NELL1: variants seen among roughly 807,000 people sequenced by gnomAD.
The protein encoded by NELL1 is neural EGFL like 1, also known as protein kinase C-binding protein NELL1.
A neutral mutation model predicts 107.4 loss-of-function variants in NELL1; 76 were observed. The observed-to-expected ratio is 0.71, with a 90% confidence interval of 0.59 to 0.86. NELL1 has a LOEUF of 0.86. NELL1 is among the 40% of genes least tolerant of loss of function. NELL1 has a pLI of 0.00. For missense variants in NELL1, 1,024 were observed against 1,005.5 expected (o/e 1.02, Z -0.25); for synonymous variants, 353 against 341.2 (o/e 1.03, Z -0.38).
chr11:20,723,449 G>A (rs940827144), intron 2 of NELL1, among the ~76,000 whole-genome samples: 4 of 152,112 alleles, frequency 2.6e-5, no homozygotes, highest in African/African-American at 9.7e-5. Flanking sequence ...ATCCTAAAGG[G>A]CCCTCAGTAA....
At chr11:20,980,913 C>A (rs1470209754) in intron 12 of NELL1, among the ~76,000 whole-genome samples, 1 of 152,172 alleles carries the variant, frequency 6.6e-6, no homozygotes, top group Non-Finnish European at 1.5e-5. Context: ...TGCTTCCAAG[C>A]CAGAGCAGTG....
chr11:20,813,268 T>C (rs1165999281), intron 3 of NELL1, among the ~76,000 whole-genome samples: 2 of 152,216 alleles, frequency 1.3e-5, no homozygotes, highest in Admixed American at 1.3e-4. Context: ...ACGTTAGAGA[T>C]AATTCTTAAT....
chr11:20,890,266 A>G (rs536076053), intron 5 of NELL1, among the ~76,000 whole-genome samples: 2 of 152,222 alleles, frequency 1.3e-5, no homozygotes, highest in Admixed American at 1.3e-4. Context: ...TACAGAAGAG[A>G]GACCTGACTA....
At chr11:21,149,327 A>C (rs189957625) in intron 13 of NELL1, among the ~76,000 whole-genome samples, 72 of 152,362 alleles carry the variant, frequency 4.7e-4, no homozygotes, top group Non-Finnish European at 6.2e-4. Context: ...GACATACCCA[A>C]GACTGGGTTA....
At chr11:20,737,879 T>C (rs1855798006) in intron 2 of NELL1, among the ~76,000 whole-genome samples, 1 of 151,370 alleles carries the variant, frequency 6.6e-6, no homozygotes, top group African/African-American at 2.4e-5. Flanking sequence ...CACTGTGCAA[T>C]GCTCAGAGTT....
rs1853082506 is a variant in NELL1, at chr11:21,035,996, C to A, written c.1300+75436C>A. Among the ~76,000 whole-genome samples, 3 of 152,264 alleles carry A rather than the reference C, an allele frequency of 2.0e-5. No individual in the cohort carries two copies. The South Asian group carries it at 6.2e-4, about 32-fold the overall frequency. On this transcript the variant is annotated intron_variant, in intron 12 of 19. Coordinates refer to ENST00000357134, the MANE Select transcript of NELL1 (RefSeq NM_006157.5). ...TTGTAAGTAGAAAACCCCGTAGTCT[C>A]AGCCCAAAAGCTTCTTAAGCTGATA...
chr11:20,706,292 A>G (rs1394138378), intron 2 of NELL1, among the ~76,000 whole-genome samples: 2 of 152,106 alleles, frequency 1.3e-5, no homozygotes, highest in Non-Finnish European at 2.9e-5. Context: ...GATAGACTGG[A>G]TATAAGAAAA....
chr11:20,761,288 T>C (rs865863283), intron 2 of NELL1, among the ~76,000 whole-genome samples: 6 of 152,270 alleles, frequency 3.9e-5, no homozygotes, highest in Middle Eastern at 3.4e-3. Flanking sequence ...AGCCAGTCAC[T>C]TGGGCTTAAG....
At chr11:21,293,383 A>G (rs1360017886) in intron 14 of NELL1, among the ~76,000 whole-genome samples, 1 of 152,216 alleles carries the variant, frequency 6.6e-6, no homozygotes, top group Non-Finnish European at 1.5e-5. Context: ...ACAGTGAGAT[A>G]CTATCTCATG....
intron 2 of NELL1, among the ~76,000 whole-genome samples, chr11:20,763,782 C>A (rs758662621): frequency 5.3e-5 from 8 of 152,206 alleles, no homozygotes; most frequent in Non-Finnish European, 1.2e-4. Context: ...CAGGGTGAGG[C>A]TGGCGAGCCT....
At chr11:20,693,936 A>G (rs1270417585) in intron 2 of NELL1, among the ~76,000 whole-genome samples, 1 of 151,962 alleles carries the variant, frequency 6.6e-6, no homozygotes, top group Non-Finnish European at 1.5e-5. Flanking sequence ...TCAGACGCAG[A>G]TTTGGTCTTT....
At chr11:21,236,247 T>C (rs1003744620) in intron 14 of NELL1, among the ~76,000 whole-genome samples, 1 of 152,208 alleles carries the variant, frequency 6.6e-6, no homozygotes, top group Non-Finnish European at 1.5e-5. Flanking sequence ...TAGTATTCAA[T>C]GTATTATGTC....
chr11:20,853,908 A>G (rs1299074034), intron 4 of NELL1, among the ~76,000 whole-genome samples: 1 of 152,168 alleles, frequency 6.6e-6, no homozygotes, highest in Admixed American at 6.5e-5. Context: ...AGAGTGGGGA[A>G]GGAAACACCT....
intron 15 of NELL1, among the ~76,000 whole-genome samples, chr11:21,443,877 A>T (rs566025048): frequency 6.6e-6 from 1 of 151,752 alleles, no homozygotes; most frequent in East Asian, 1.9e-4. Flanking sequence ...GAAAAAAAAA[A>T]GAAAAGTAGG....
chr11:21,044,769 A>G (rs1436689959), intron 12 of NELL1, among the ~76,000 whole-genome samples: 2 of 152,132 alleles, frequency 1.3e-5, no homozygotes, highest in African/African-American at 4.8e-5. Context: ...GAGTGTTTCT[A>G]TATTAGACAG....
intron 15 of NELL1, among the ~76,000 whole-genome samples, chr11:21,446,134 A>G (rs1436933040): frequency 1.3e-5 from 2 of 151,994 alleles, no homozygotes; most frequent in Non-Finnish European, 2.9e-5. Flanking sequence ...AGAGACTCTG[A>G]TGCATTCTTC....
At chr11:21,374,589 G>A (rs1475277616) in intron 15 of NELL1, among the ~76,000 whole-genome samples, 1 of 151,992 alleles carries the variant, frequency 6.6e-6, no homozygotes, top group Non-Finnish European at 1.5e-5. Context: ...AAGGAGAGAG[G>A]AATGAGGCAC....
In NELL1 at chr11:20,982,747, A is replaced by G. The variant is rs2134245993; in HGVS notation, c.1300+22187A>G. Reference sequence around the variant, plus strand: ...AAGACAGAATTTTAATAGCAGTTGTAAAAGTGCCCTGGGAGAGTTTAAGAA... The same window carrying G: ...AAGACAGAATTTTAATAGCAGTTGTGAAAGTGCCCTGGGAGAGTTTAAGAA... On this transcript the variant is annotated intron_variant, in intron 12 of 19. Transcript: ENST00000357134. 1.3e-5 allele frequency among the ~76,000 whole-genome samples: 2 copies of G among 152,368 alleles called. 1 individual carries two copies. The highest frequency in any genetic ancestry group is 4.1e-4 in the South Asian group (2 of 4,832).
chr11:20,753,118 A>G (rs1207967595), intron 2 of NELL1, among the ~76,000 whole-genome samples: 3 of 152,212 alleles, frequency 2.0e-5, no homozygotes, highest in South Asian at 2.1e-4. Flanking sequence ...GCTTTAAACA[A>G]TTTCTAATCC....
Sources: allele counts gnomAD v4.1 joint callset (sites outside exome capture counted in the v4.1 genomes callset), GRCh38; gene constraint gnomAD v4.1.1; transcripts MANE v1.5; gene names NCBI Gene and HGNC (gene_info 2026-07-23, HGNC 2026-07-21).